Variants in PDXDC1 observed in about 807,000 individuals in gnomAD.
PDXDC1 encodes pyridoxal-dependent decarboxylase domain-containing protein 1.
PDXDC1 carries 42 observed loss-of-function variants against 100.1 expected under a neutral mutation model. That is an observed-to-expected ratio of 0.42 (90% CI 0.33 to 0.54). The LOEUF is 0.54. Ranked by LOEUF, PDXDC1 falls within the 20% of genes least tolerant of loss-of-function variation. The pLI, the probability that PDXDC1 is intolerant of heterozygous loss-of-function variation, is 0.10. For missense variants in PDXDC1, 636 were observed against 979.2 expected (o/e 0.65, Z 4.68); for synonymous variants, 260 against 371.7 (o/e 0.70, Z 3.46).
At chr16:15,086,506 G>A (rs1304180298) in intron 16 of PDXDC1, 12 of 1,606,302 alleles carry the variant, frequency 7.5e-6, no homozygotes, top group Non-Finnish European at 1.0e-5. Context: ...TAACATAACA[G>A]AAATTTACAG....
chr16:15,146,628 A>G, the PDXDC1 span, among the ~76,000 whole-genome samples: 2 of 152,048 alleles, frequency 1.3e-5, no homozygotes, highest in South Asian at 4.1e-4. Flanking sequence ...AGGGGTCCAT[A>G]AGAGTCCACC....
intron 16 of PDXDC1, among the ~76,000 whole-genome samples, chr16:15,111,183 A>G (rs1289531260): frequency 1.3e-5 from 2 of 149,180 alleles, no homozygotes; most frequent in Non-Finnish European, 3.0e-5. Context: ...CGAGGCTGGC[A>G]TGTTGGCTCA....
At position 15,104,487 on chromosome 16, in the gene PDXDC1, G is replaced by C. The variant is rs751045413; in HGVS notation, c.1400-34392G>C. 3 of 1,416,802 alleles carry C rather than the reference G, an allele frequency of 2.1e-6. No homozygotes were observed. In the South Asian group the frequency reaches 3.7e-5, roughly 18 times the overall value. The allele number at this position is 1,416,802 out of a possible 1,614,324, so 87.8% of individuals were successfully genotyped here. On this transcript the variant is annotated intron_variant, in intron 16 of 16. Coordinates refer to the PDXDC1 transcript ENST00000535621. ...AGCAGACACACTCGGGAGGTGTCTT[G>C]AGATTATCATCCGCTGAGGGTGGAG...
chr16:15,125,911 G>A (rs572849626), intron 16 of PDXDC1: 53 of 677,812 alleles, frequency 7.8e-5, no homozygotes, highest in East Asian at 3.5e-4. Context: ...GGTGCCATCT[G>A]ACAGAATGTC....
chr16:15,083,243 AC>A (rs1375315306), intron 16 of PDXDC1, among the ~76,000 whole-genome samples: 1 of 152,140 alleles, frequency 6.6e-6, no homozygotes, highest in East Asian at 1.9e-4. Flanking sequence ...TACTAAAAAT[AC>A]AAAAATTAGC....
chr16:15,025,830 T>C (rs1370314879), intron 13 of PDXDC1: 1 of 152,482 alleles, frequency 6.6e-6, no homozygotes. Flanking sequence ...ACCCCATGGC[T>C]TGACCAAGTC....
intron 16 of PDXDC1, among the ~76,000 whole-genome samples, chr16:15,043,717 A>G (rs965537209): frequency 3.9e-5 from 6 of 152,184 alleles, no homozygotes; most frequent in African/African-American, 1.4e-4. Flanking sequence ...TAAGAGGCCG[A>G]GGCAGGTGCA....
chr16:15,081,897 T>G (rs2045720006), intron 16 of PDXDC1, among the ~76,000 whole-genome samples: 1 of 152,234 alleles, frequency 6.6e-6, no homozygotes, highest in Non-Finnish European at 1.5e-5. Flanking sequence ...GCCAGCAGCA[T>G]TTGTTGAAAT....
intron 16 of PDXDC1, among the ~76,000 whole-genome samples, chr16:15,077,225 G>A (rs979402452): frequency 4.0e-5 from 6 of 151,812 alleles, no homozygotes; most frequent in Non-Finnish European, 4.4e-5. Flanking sequence ...GTGATCCACC[G>A]GCCTCAGCTT....
At chr16:15,094,583 G>A (rs188052511) in intron 16 of PDXDC1, 47 of 368,736 alleles carry the variant, frequency 1.3e-4, no homozygotes, top group Non-Finnish European at 2.0e-4. Context: ...GCCTCCCTCA[G>A]TCAAATCGAA....
At chr16:15,104,232 C>A (rs1425019043) in intron 16 of PDXDC1, 19 of 1,199,990 alleles carry the variant, frequency 1.6e-5, no homozygotes, top group East Asian at 1.0e-4. Context: ...ATTAAAAAAA[C>A]CCCTACGATT....
chr16:15,125,958 G>T (rs540463151), intron 16 of PDXDC1: 2 of 606,614 alleles, frequency 3.3e-6, no homozygotes, highest in African/African-American at 3.7e-5. Flanking sequence ...TGCACCGTCC[G>T]TGATGGCAGC....
At chr16:15,010,898 G>A (rs1207735118) in intron 8 of PDXDC1, among the ~76,000 whole-genome samples, 2 of 152,288 alleles carry the variant, frequency 1.3e-5, no homozygotes, top group African/African-American at 2.4e-5. Flanking sequence ...TGCAAGATCT[G>A]TACATTGAGA....
intron 16 of PDXDC1, chr16:15,128,053 G>C: frequency 1.1e-5 from 18 of 1,605,908 alleles, no homozygotes; most frequent in Non-Finnish European, 1.4e-5. Context: ...CCGAAAGCCA[G>C]TCATTGACCA....
At chr16:15,059,054 A>G (rs1388885575) in intron 16 of PDXDC1, among the ~76,000 whole-genome samples, 1 of 152,230 alleles carries the variant, frequency 6.6e-6, no homozygotes, top group Non-Finnish European at 1.5e-5. Context: ...TGAAACAAGA[A>G]AAGTATGCAG....
intron 16 of PDXDC1, chr16:15,071,304 G>C: frequency 6.6e-7 from 1 of 1,516,238 alleles, no homozygotes; most frequent in Non-Finnish European, 8.9e-7. Flanking sequence ...AAGATAATCT[G>C]GCTATCAAAA....
intron 16 of PDXDC1, among the ~76,000 whole-genome samples, chr16:15,082,001 A>T (rs1332726472): frequency 6.6e-6 from 1 of 152,114 alleles, no homozygotes; most frequent in Admixed American, 6.6e-5. Flanking sequence ...ATTATCTCTA[A>T]AATTTCTTGT....
intron 13 of PDXDC1, chr16:15,025,669 T>A (rs2042541613): frequency 6.6e-6 from 1 of 152,350 alleles, no homozygotes; most frequent in Non-Finnish European, 1.5e-5. Flanking sequence ...CAGTGAGTCA[T>A]CACACTCAGA....
intron 16 of PDXDC1, chr16:15,065,295 C>T (rs770225850): frequency 1.5e-5 from 25 of 1,613,692 alleles, no homozygotes; most frequent in South Asian, 3.3e-5. Context: ...TCTCCTCCAG[C>T]GGTACTCCTA....
Sources: gnomAD v4.1 joint callset for allele counts (sites outside exome capture counted in the v4.1 genomes callset) on GRCh38, gnomAD v4.1.1 for gene constraint, MANE v1.5 for transcripts, NCBI Gene and HGNC (gene_info 2026-07-23, HGNC 2026-07-21) for gene names.